DNAH8: variants seen among roughly 807,000 people sequenced by gnomAD.
DNAH8 encodes axonemal beta dynein heavy chain 8.
DNAH8 carries 382 observed loss-of-function variants against 562.1 expected under a neutral mutation model. The observed-to-expected ratio is 0.68, with a 90% CI of 0.63 to 0.74. The LOEUF (loss-of-function observed/expected upper bound fraction) is 0.74. Ranked by LOEUF, DNAH8 falls within the 30% of genes least tolerant of loss-of-function variation. The probability of loss-of-function intolerance (pLI) is 0.00; values close to 1 mark genes in which losing one functional copy is unlikely to be tolerated. For synonymous variants in DNAH8, 1,881 were observed against 1,919.4 expected (o/e 0.98, Z 0.52); for missense variants, 5,203 against 5,620.4 (o/e 0.93, Z 2.37).
At chr6:39,001,406 C>T (rs1218673923) in intron 88 of DNAH8, among the ~76,000 whole-genome samples, 1 of 151,996 alleles carries the variant, frequency 6.6e-6, no homozygotes, top group Non-Finnish European at 1.5e-5. Flanking sequence ...GAGAGCTATG[C>T]GCACACATAG....
At chr6:38,888,313 G>A (rs1005674037) in intron 57 of DNAH8, among the ~76,000 whole-genome samples, 3 of 152,098 alleles carry the variant, frequency 2.0e-5, no homozygotes, top group African/African-American at 7.2e-5. Flanking sequence ...TAGAGAAATA[G>A]TTGAGTGACC....
At chr6:38,970,984 G>A (rs1466542315) in intron 82 of DNAH8, among the ~76,000 whole-genome samples, 2 of 152,102 alleles carry the variant, frequency 1.3e-5, no homozygotes, top group Non-Finnish European at 2.9e-5. Context: ...GTTCCAAGGT[G>A]GTGATTTAAT....
chr6:38,851,644 T>C lies in DNAH8; in HGVS notation c.5436T>C (p.Leu1812=). The change falls in exon 39 of 93, where the codon CTT becomes CTC. Residue 1812 remains leucine, a synonymous_variant. Transcript: ENST00000327475. Reference sequence around the variant, plus strand: ...CTGATCCAGTTCTCCTGGAAATTCTTGGACAAGCCAGTGATTCCCACACCA... The same window carrying C: ...CTGATCCAGTTCTCCTGGAAATTCTCGGACAAGCCAGTGATTCCCACACCA... The part of the protein sequence containing the change: ...FVSDPVLLEI[L]GQASDSHTIQ... 1 of 1,611,868 alleles carries C rather than the reference T, an allele frequency of 6.2e-7. No individual in the cohort carries two copies. Among genetic ancestry groups the C allele is most frequent in the Non-Finnish European group, 8.5e-7 (1 of 1,179,032 alleles).
intron 7 of DNAH8, among the ~76,000 whole-genome samples, chr6:38,738,345 T>C (rs552023475): frequency 6.6e-6 from 1 of 152,294 alleles, no homozygotes; most frequent in East Asian, 1.9e-4. Context: ...AAGTACCTCT[T>C]GTTCGATCAG....
At chr6:38,771,312 A>G (rs1427402183) in intron 12 of DNAH8, among the ~76,000 whole-genome samples, 1 of 152,216 alleles carries the variant, frequency 6.6e-6, no homozygotes, top group African/African-American at 2.4e-5. Flanking sequence ...AGTAATGAAC[A>G]GAACCAAGTT....
Position 38,890,713 on chromosome 6 carries a change from G to A in DNAH8, c.8535G>A (p.Met2845Ile). The change falls in exon 58 of 93, where the codon ATG (methionine) becomes ATA (isoleucine). Residue 2845 changes from methionine to isoleucine, a missense_variant. Around this residue, in one of 6 missense-constraint regions of DNAH8, gnomAD observed 977 missense variants for 1,061.8 expected, o/e 0.92. Transcript: ENST00000327475. ...GTTTCAAGCCTCAAATATGTGAGAT[G>A]ATTGTGAATTTAGTCTCAGTGGGTA... is the stretch of plus-strand genomic sequence containing the variant. ...CRSFKPQICEMIVNLVSVGRV... is the reference protein window; with the variant it reads ...CRSFKPQICEIIVNLVSVGRV... The A allele has an allele frequency of 6.2e-7, 1 of 1,613,926 alleles. No homozygotes were observed. Among genetic ancestry groups the A allele is most frequent in the Non-Finnish European group, 8.5e-7 (1 of 1,179,808 alleles).
chr6:38,876,175 A>G (rs951827530), intron 53 of DNAH8, among the ~76,000 whole-genome samples: 4 of 152,238 alleles, frequency 2.6e-5, no homozygotes, highest in Non-Finnish European at 5.9e-5. Context: ...GCTAATACAC[A>G]TAACGGATCA....
In DNAH8 at chr6:38,786,892, A is replaced by G. The variant is rs780988766; in HGVS notation, c.2523A>G (p.Glu841=). The G allele has an allele frequency of 2.5e-6, 4 of 1,613,394 alleles. No homozygotes were observed. The South Asian group carries it at 4.4e-5, about 18-fold the overall frequency. Residue 841 remains glutamate, a synonymous_variant, in exon 18 of 93, where the codon GAA becomes GAG. Transcript: ENST00000327475. ...CMIKMKLDVP[E]QAKRLLKLES... ...TAAAAATGAAGTTGGATGTACCAGA[A>G]CAGGCAAAGAGATTGCTAAAATTGG...
chr6:39,028,978 C>T (rs151288061), intron 92 of DNAH8, among the ~76,000 whole-genome samples: 35 of 152,322 alleles, frequency 2.3e-4, no homozygotes, highest in South Asian at 1.0e-3. Context: ...TTCCCTGATC[C>T]GATCCTCACT....
In DNAH8 at chr6:38,722,915, C is replaced by A. The variant is rs1178576726; in HGVS notation, c.106C>A (p.Pro36Thr). ...TTCAGAAGAGGAAGAGGCCCCGCGC[C>A]CTCCGACAGTGGAGGCCCCGGCAGA... ...PRSEEEEAPR[P>T]PTVEAPAEDG... The change falls in exon 2 of 93, where the codon CCT (proline) becomes ACT (threonine). Residue 36 changes from proline (P) to threonine (T), a missense_variant. Pro to Thr is a conservative substitution (Grantham distance 38). Around this residue, in one of 6 missense-constraint regions of DNAH8, gnomAD observed 556 missense variants for 496.9 expected, o/e 1.12. Coordinates refer to ENST00000327475, the MANE Select transcript of DNAH8 (RefSeq NM_001206927.2). The A allele has an allele frequency of 5.6e-6, 9 of 1,612,300 alleles. No homozygotes were observed. Among genetic ancestry groups the A allele is most frequent in the Non-Finnish European group, 7.6e-6 (9 of 1,179,630 alleles).
intron 7 of DNAH8, among the ~76,000 whole-genome samples, chr6:38,739,132 T>G (rs1781725): frequency 0.26 from 38,782 of 151,986 alleles, 5,842 homozygotes; most frequent in Middle Eastern, 0.35. Context: ...CCCTTTATTT[T>G]TTTGGATGGC....
chr6:38,772,996 T>TTTTTTTTTTTTTTTTTTTTTGTTG (rs1554205957), intron 12 of DNAH8, among the ~76,000 whole-genome samples: 2 of 109,942 alleles, frequency 1.8e-5, no homozygotes, highest in African/African-American at 7.1e-5. Flanking sequence ...TTTTTTTTTT[T>TTTTTTTTTTTTTTTTTTTTTGTTG]TTGTAGAGAT....
intron 71 of DNAH8, among the ~76,000 whole-genome samples, chr6:38,922,791 A>G (rs1329028676): frequency 6.6e-6 from 1 of 152,184 alleles, no homozygotes; most frequent in East Asian, 1.9e-4. Context: ...TAGAAATACT[A>G]TTGTAATTTG....
At chr6:38,933,192 T>C (rs1304436059) in intron 76 of DNAH8, among the ~76,000 whole-genome samples, 2 of 152,206 alleles carry the variant, frequency 1.3e-5, no homozygotes, top group East Asian at 3.9e-4. Flanking sequence ...AGATCCCCCA[T>C]GCAGGCTGCA....
intron 8 of DNAH8, 69 bp downstream of exon 8, chr6:38,741,956 T>C: frequency 7.6e-7 from 1 of 1,322,542 alleles, no homozygotes; most frequent in Non-Finnish European, 1.1e-6. Context: ...CCTATTGAAC[T>C]ACTTCTTAGT....
chr6:39,016,782 T>C (rs1415897539), intron 91 of DNAH8, among the ~76,000 whole-genome samples: 1 of 152,150 alleles, frequency 6.6e-6, no homozygotes, highest in Non-Finnish European at 1.5e-5. Flanking sequence ...TCATTGACCC[T>C]CTGGTGACTG....
At chr6:38,955,890 C>T (rs1762213447) in intron 82 of DNAH8, among the ~76,000 whole-genome samples, 1 of 152,196 alleles carries the variant, frequency 6.6e-6, no homozygotes, top group Admixed American at 6.5e-5. Context: ...ACCCAAATGG[C>T]AGATCTGCCA....
At position 38,801,950 on chromosome 6, in the gene DNAH8, AT is replaced by A. The variant is rs35093441; in HGVS notation, c.2902-1218del. 1.7e-4 allele frequency among the ~76,000 whole-genome samples: 25 copies of A among 149,080 alleles called. No individual in the cohort carries two copies. The South Asian group carries it at 2.1e-3, about 13-fold the overall frequency. On this transcript the variant is annotated intron_variant, in intron 21 of 92. Coordinates refer to ENST00000327475, the MANE Select transcript of DNAH8 (RefSeq NM_001206927.2). ...GCCCAAAGTGGCTGCTCCTATGTAC[AT>A]TTTTTTTTTTGAGACAGGGTCTTGC...
intron 77 of DNAH8, 80 bp from the exon 78 acceptor site, chr6:38,937,891 GTTT>G: frequency 8.3e-7 from 1 of 1,203,190 alleles, no homozygotes; most frequent in Non-Finnish European, 1.1e-6. Flanking sequence ...AGCTAACAGC[GTTT>G]TTTTTTTTTC....
Sources: allele counts gnomAD v4.1 joint callset (sites outside exome capture counted in the v4.1 genomes callset), GRCh38; gene constraint gnomAD v4.1.1; regional missense constraint gnomAD v4.1.1; transcripts MANE v1.5; gene names NCBI Gene and HGNC (gene_info 2026-07-23, HGNC 2026-07-21).